NT5DC4: variants seen among roughly 807,000 people sequenced by gnomAD.
NT5DC4 encodes 5'-nucleotidase domain containing 4.
In NT5DC4, 44 loss-of-function variants were observed where a neutral mutation model predicts 26.6. The ratio of observed to expected loss-of-function variants is 1.65; its 90% CI spans 1.30 to 2.13. The LOEUF is 2.13. Ranked by LOEUF, NT5DC4 falls within the 30% of genes most tolerant of loss-of-function variation. The probability of loss-of-function intolerance (pLI) is 0.00; values close to 1 mark genes in which losing one functional copy is unlikely to be tolerated. For missense variants in NT5DC4, 399 were observed against 228.1 expected, an observed-to-expected ratio of 1.75 and a Z score of -4.83; for synonymous variants, 157 against 86.7, an observed-to-expected ratio of 1.81 and a Z score of -4.51.
At chr2:112,724,296 G>A (rs1385486341) in intron 10 of NT5DC4, 170 bp downstream of exon 10, 1 of 647,342 alleles carries the variant, frequency 1.5e-6, no homozygotes, top group East Asian at 2.7e-5. Flanking sequence ...GTGGGTAGGA[G>A]CCTGGTGACC....
At chr2:112,732,025 C>T (rs970634649) in intron 16 of NT5DC4, among the ~76,000 whole-genome samples, 1 of 150,198 alleles carries the variant, frequency 6.7e-6, no homozygotes, top group Non-Finnish European at 1.5e-5. Flanking sequence ...AATTCTTCTG[C>T]CTCAACCTCC....
At chr2:112,724,166 G>A (rs1175795914) in intron 10 of NT5DC4, 40 bp downstream of exon 10, 1 of 716,830 alleles carries the variant, frequency 1.4e-6, no homozygotes, top group East Asian at 2.7e-5. Context: ...GGGGTGGGCT[G>A]TGCAAAGGGC....
At chr2:112,725,025 C>G (rs1677508706) in intron 11 of NT5DC4, 119 bp downstream of exon 11, 1 of 652,776 alleles carries the variant, frequency 1.5e-6, no homozygotes, top group Admixed American at 2.3e-5. Flanking sequence ...AGGCAGGGAA[C>G]CCGAGGCCGC....
rs1379965025 is a variant in NT5DC4 at position 112,726,274 on chromosome 2, T to C, written c.1190T>C (p.Leu397Pro). Reference protein sequence around the residue: ...LEELKRLDTHLADIYQHMDGS... With the variant: ...LEELKRLDTHPADIYQHMDGS... ...GAGCTGAAGAGACTGGACACGCACC[T>C]GGCAGACATATACCAGTGAGACCCT... Residue 397 changes from leucine (L) to proline (P), a missense_variant, in exon 14 of 17, where the codon CTG becomes CCG. By Grantham distance (98) the Leu-to-Pro change is moderately conservative. Transcript: ENST00000688554. The C allele has an allele frequency of 5.6e-6, 4 of 716,768 alleles. No individual in the cohort carries two copies. Among genetic ancestry groups the C allele is most frequent in the Non-Finnish European group, 1.0e-5 (4 of 384,898 alleles). The allele number at this position is 716,768 out of a possible 1,614,324, so 44.4% of individuals were successfully genotyped here.
At chr2:112,740,942 T>C, downstream of NT5DC4, 4 of 1,614,044 alleles carry the variant, frequency 2.5e-6, no homozygotes, top group Non-Finnish European at 3.4e-6. Flanking sequence ...ACAGATTCCA[T>C]CTTCTTGGCC....
chr2:112,723,953 C>G, intron 9 of NT5DC4, 141 bp from the exon 10 acceptor site: 1 of 694,314 alleles, frequency 1.4e-6, no homozygotes, highest in Non-Finnish European at 2.7e-6. Context: ...CATTTCTTGG[C>G]CTTTCAAGGC....
upstream of NT5DC4, among the ~76,000 whole-genome samples, chr2:112,718,956 C>T (rs1017997847): frequency 2.6e-5 from 4 of 152,168 alleles, no homozygotes; most frequent in African/African-American, 7.2e-5. Context: ...TTCCTCCATC[C>T]GATGAGGAAA....
Position 112,725,203 on chromosome 2 carries a change from C to CA in NT5DC4, c.946dup (p.Thr316AsnfsTer57), listed in dbSNP as rs553582903. ...CAGGAAAGCTCCACGTGGGCACCTACACAGGGCCCCACCAGCACTGTGCTG... is the reference window on the plus strand; with the variant it reads ...CAGGAAAGCTCCACGTGGGCACCTACAACAGGGCCCCACCAGCACTGTGCTG... On this transcript the variant is annotated frameshift_variant, in exon 12 of 17. Transcript: ENST00000688554. LOFTEE classifies it high-confidence loss of function. 1.1e-4 allele frequency: 79 copies of CA among 716,100 alleles called. No individual in the cohort carries two copies. The African/African-American group carries it at 1.3e-3, about 12-fold the overall frequency. The allele number at this position is 716,100 out of a possible 1,614,324, so 44.4% of individuals were successfully genotyped here. A position where few individuals can be genotyped will look rare whatever the true frequency, so the allele number is the denominator to read the frequency against.
chr2:112,740,769 G>T, downstream of NT5DC4: 1 of 1,454,502 alleles, frequency 6.9e-7, no homozygotes, highest in Non-Finnish European at 9.5e-7. Context: ...TCGAGACTTG[G>T]ACTAGAATTA....
intron 16 of NT5DC4, 155 bp from the exon 17 acceptor site, chr2:112,738,758 G>C: frequency 9.1e-7 from 1 of 1,104,244 alleles, no homozygotes; most frequent in South Asian, 1.3e-5. Flanking sequence ...CAGGTCACTT[G>C]GACAAGAATA....
chr2:112,724,278 G>A, intron 10 of NT5DC4, 152 bp downstream of exon 10: 3 of 665,326 alleles, frequency 4.5e-6, no homozygotes, highest in Non-Finnish European at 5.5e-6. Flanking sequence ...ATGAGTGGAA[G>A]CTCCCCAGTG....
intron 14 of NT5DC4, 151 bp from the exon 15 acceptor site, chr2:112,726,527 C>A: frequency 1.5e-6 from 1 of 673,690 alleles, no homozygotes. Context: ...CAGGGACCTG[C>A]CCTCGCACGC....
At chr2:112,726,583 TC>T (rs1476880130) in intron 14 of NT5DC4, 94 bp from the exon 15 acceptor site, 3 of 710,432 alleles carry the variant, frequency 4.2e-6, no homozygotes, top group East Asian at 2.7e-5. Flanking sequence ...CCGCACGGTG[TC>T]CCCCCACCCG....
chr2:112,730,605 C>T (rs1402222400), intron 16 of NT5DC4, among the ~76,000 whole-genome samples: 3 of 152,124 alleles, frequency 2.0e-5, no homozygotes, highest in Admixed American at 6.5e-5. Flanking sequence ...CTGGATTCCT[C>T]GTTGGGTTCT....
Position 112,725,633 on chromosome 2 carries a change from C to T in NT5DC4, c.1153+81C>T, listed in dbSNP as rs564271055. 129 of 588,510 alleles carry T rather than the reference C, an allele frequency of 2.2e-4. 1 individual carries two copies. In the East Asian group the frequency reaches 2.8e-3, roughly 13 times the overall value. 36.5% of individuals were successfully genotyped at this position (588,510 alleles called of 1,614,324 possible). ...CCCAGCACTGCCTTCTCCTTTTTCC[C>T]GTGGGGGGTTAGTAGTTGTGACCAG... On this transcript the variant is annotated intron_variant, in intron 13 of 16. Transcript: ENST00000688554.
In NT5DC4 at chr2:112,725,949, CA is replaced by C. The variant is rs148597511; in HGVS notation, c.1154-288del. ...TCCAGGGCAGGGAGTTGTGTGAGCC[CA>C]CACAATTTGGGCTTTGTCCTGAGAG... is the stretch of plus-strand genomic sequence containing the variant. On this transcript the variant is annotated intron_variant, in intron 13 of 16. Coordinates refer to ENST00000688554, the MANE Select transcript of NT5DC4 (RefSeq NM_001393655.1). Among the ~76,000 whole-genome samples, 239 of 150,404 alleles carry C rather than the reference CA, an allele frequency of 1.6e-3. 1 individual carries two copies. Among genetic ancestry groups the C allele is most frequent in the African/African-American group, 5.4e-3 (222 of 40,774 alleles).
At position 112,730,310 on chromosome 2, in the gene NT5DC4, C is replaced by CAAAA. The variant is rs11375761; in HGVS notation, c.1344+624_1344+627dup. Among the ~76,000 whole-genome samples the CAAAA allele has an allele frequency of 8.9e-3, 666 of 75,132 alleles. 22 individuals carry two copies. Among genetic ancestry groups the CAAAA allele is most frequent in the African/African-American group, 0.013 (244 of 18,390 alleles). The allele number at this position is 75,132 out of a possible 152,430, so 49.3% of individuals were successfully genotyped here. ...CCTGGGCAACAGGGAAAGACTGTCT[C>CAAAA]AAAAAAAAAAAAAAAAAAAAAGCGA... is the stretch of plus-strand genomic sequence containing the variant. On this transcript the variant is annotated intron_variant, in intron 16 of 16. Coordinates refer to ENST00000688554, the MANE Select transcript of NT5DC4 (RefSeq NM_001393655.1).
chr2:112,719,904 T>TTTTCTTTCTTTCTTTCTTTCTTTC (rs1172710335), upstream of NT5DC4, among the ~76,000 whole-genome samples: 1 of 98,662 alleles, frequency 1.0e-5, no homozygotes, highest in African/African-American at 4.1e-5. Flanking sequence ...CTTTCTTTCT[T>TTTTCTTTCTTTCTTTCTTTCTTTC]TTTCTTTCTT....
At chr2:112,741,933 C>G (rs1049802135), downstream of NT5DC4, among the ~76,000 whole-genome samples, 1 of 112,540 alleles carries the variant, frequency 8.9e-6, no homozygotes, top group African/African-American at 3.3e-5. Context: ...GCTAATTTTT[C>G]TTTTCTGTTT....
Sources: allele counts gnomAD v4.1 joint callset (sites outside exome capture counted in the v4.1 genomes callset), GRCh38; gene constraint gnomAD v4.1.1; transcripts MANE v1.5; gene names NCBI Gene and HGNC (gene_info 2026-07-23, HGNC 2026-07-21).